WDR47: variants seen among roughly 807,000 people sequenced by gnomAD.
The protein encoded by WDR47 is WD repeat domain 47.
WDR47 carries 32 observed loss-of-function variants against 97.2 expected under a neutral mutation model. The observed-to-expected ratio is 0.33, with a 90% CI of 0.25 to 0.44. The LOEUF (loss-of-function observed/expected upper bound fraction) is 0.44, where lower values mean the gene tolerates loss of function less well. WDR47 is among the 20% of genes least tolerant of loss of function. The probability of loss-of-function intolerance (pLI) is 1.00; values close to 1 mark genes in which losing one functional copy is unlikely to be tolerated. For synonymous variants in WDR47, 375 were observed against 373.5 expected, an observed-to-expected ratio of 1.00 and a Z score of -0.05; for missense variants, 782 against 1,102.3, an observed-to-expected ratio of 0.71 and a Z score of 4.11.
At chr1:108,977,974 A>G (rs1196868120) in intron 13 of WDR47, among the ~76,000 whole-genome samples, 1 of 149,582 alleles carries the variant, frequency 6.7e-6, no homozygotes, top group East Asian at 2.0e-4. Context: ...ACAAAAGCGA[A>G]ACACTCTCTC....
At chr1:108,984,110 T>C (rs928552331) in intron 10 of WDR47, among the ~76,000 whole-genome samples, 2 of 152,118 alleles carry the variant, frequency 1.3e-5, no homozygotes, top group African/African-American at 4.8e-5. Flanking sequence ...GGGCTAGCAG[T>C]GAAAAGCATG....
intron 1 of WDR47, among the ~76,000 whole-genome samples, chr1:109,035,231 G>A (rs918837304): frequency 2.9e-5 from 4 of 136,766 alleles, no homozygotes; most frequent in Admixed American, 1.5e-4. Context: ...GGGCAAAAGA[G>A]TAAGACCCTG....
intron 2 of WDR47, among the ~76,000 whole-genome samples, chr1:109,021,385 G>A (rs776161385): frequency 7.2e-5 from 11 of 152,038 alleles, no homozygotes; most frequent in East Asian, 3.9e-4. Context: ...AAAATTAGCC[G>A]GACGTGGTGG....
intron 1 of WDR47, among the ~76,000 whole-genome samples, chr1:109,038,591 A>T (rs1663123117): frequency 6.6e-6 from 1 of 151,674 alleles, no homozygotes; most frequent in African/African-American, 2.4e-5. Flanking sequence ...AGGTAGGAGG[A>T]TCACTTGAGC....
At chr1:108,977,534 T>C (rs573344718) in intron 13 of WDR47, among the ~76,000 whole-genome samples, 1 of 152,308 alleles carries the variant, frequency 6.6e-6, no homozygotes, top group African/African-American at 2.4e-5. Context: ...TGGTGTAAGT[T>C]TGTCTTACTG....
intron 1 of WDR47, among the ~76,000 whole-genome samples, chr1:109,036,429 G>A (rs1165071365): frequency 1.3e-5 from 2 of 150,522 alleles, no homozygotes; most frequent in African/African-American, 4.9e-5. Context: ...AAAATTAGCC[G>A]GGCTTGGTAG....
At chr1:109,018,097 T>C (rs1440746735) in intron 2 of WDR47, among the ~76,000 whole-genome samples, 4 of 152,062 alleles carry the variant, frequency 2.6e-5, no homozygotes, top group Non-Finnish European at 5.9e-5. Flanking sequence ...ATGAGAAGAA[T>C]TTGTGAATCT....
At chr1:108,991,869 C>T (rs908616886) in intron 8 of WDR47, among the ~76,000 whole-genome samples, 2 of 151,956 alleles carry the variant, frequency 1.3e-5, no homozygotes, top group African/African-American at 4.8e-5. Context: ...CCCTATGTTG[C>T]CCAGGCTGCT....
intron 9 of WDR47, among the ~76,000 whole-genome samples, chr1:108,989,315 T>C (rs1017085442): frequency 6.6e-6 from 1 of 152,194 alleles, no homozygotes; most frequent in African/African-American, 2.4e-5. Flanking sequence ...TCTGGATGTA[T>C]TCTGAGAGGT....
At chr1:109,029,737 CGTG>C (rs1176913966) in intron 1 of WDR47, among the ~76,000 whole-genome samples, 1 of 149,748 alleles carries the variant, frequency 6.7e-6, no homozygotes, top group African/African-American at 2.5e-5. Flanking sequence ...ATTACCCGGG[CGTG>C]GTGGTGGGCA....
chr1:108,973,035 T>C (rs540031415), intron 14 of WDR47, among the ~76,000 whole-genome samples: 1 of 152,188 alleles, frequency 6.6e-6, no homozygotes, highest in Admixed American at 6.5e-5. Flanking sequence ...TCCAGGCACA[T>C]TGGCTTCCTG....
At chr1:109,010,790 G>A (rs1277537811) in intron 5 of WDR47, 126 bp downstream of exon 5, 1 of 922,432 alleles carries the variant, frequency 1.1e-6, no homozygotes, top group Non-Finnish European at 1.6e-6. Context: ...CACCGTGTTA[G>A]CCAGGATGGT....
At chr1:109,019,151 G>A (rs1661635413) in intron 2 of WDR47, among the ~76,000 whole-genome samples, 1 of 151,712 alleles carries the variant, frequency 6.6e-6, no homozygotes, top group East Asian at 1.9e-4. Flanking sequence ...TGGAGGCCGA[G>A]GCAGACAGAT....
chr1:109,021,421 G>A (rs1661828167), intron 2 of WDR47, among the ~76,000 whole-genome samples: 1 of 151,794 alleles, frequency 6.6e-6, no homozygotes, highest in African/African-American at 2.4e-5. Flanking sequence ...CCAGCTACCT[G>A]GGAGGCTAAG....
chr1:109,009,504 A>T (rs1240916244), intron 5 of WDR47, among the ~76,000 whole-genome samples: 1 of 152,236 alleles, frequency 6.6e-6, no homozygotes, highest in Admixed American at 6.5e-5. Flanking sequence ...TATGTACAGG[A>T]GAAAAAAAGT....
At chr1:109,015,157 C>T (rs549773842) in intron 3 of WDR47, among the ~76,000 whole-genome samples, 59 of 152,084 alleles carry the variant, frequency 3.9e-4, no homozygotes, top group Middle Eastern at 3.4e-3. Flanking sequence ...AATGTACAAA[C>T]GCAAAGAAAT....
intron 4 of WDR47, among the ~76,000 whole-genome samples, chr1:109,012,279 A>G (rs977177774): frequency 6.6e-6 from 1 of 152,082 alleles, no homozygotes; most frequent in Non-Finnish European, 1.5e-5. Context: ...TTGTGTGGAG[A>G]TAGAAAGTCA....
intron 8 of WDR47, among the ~76,000 whole-genome samples, chr1:108,995,255 T>G (rs1571176890): frequency 6.6e-6 from 1 of 152,150 alleles, no homozygotes; most frequent in Non-Finnish European, 1.5e-5. Flanking sequence ...GATTATTTGT[T>G]CAAAGATGCC....
chr1:108,972,404 C>A (rs1332905368), intron 14 of WDR47, among the ~76,000 whole-genome samples: 1 of 152,088 alleles, frequency 6.6e-6, no homozygotes, highest in African/African-American at 2.4e-5. Flanking sequence ...TACAGAACCC[C>A]AAATTCTCCA....
Sources: gnomAD v4.1 joint callset for allele counts (sites outside exome capture counted in the v4.1 genomes callset) on GRCh38, gnomAD v4.1.1 for gene constraint, MANE v1.5 for transcripts, NCBI Gene and HGNC (gene_info 2026-07-23, HGNC 2026-07-21) for gene names.